SBF2: variants seen among roughly 807,000 people sequenced by gnomAD.
The protein encoded by SBF2 is SET binding factor 2.
Under a neutral mutation model 225.2 loss-of-function variants are expected in SBF2, and 112 were observed. The observed-to-expected ratio is 0.50, with a 90% CI of 0.43 to 0.58. The LOEUF is 0.58. Among genes scored for constraint, SBF2 ranks in the 20% least tolerant of loss-of-function variants. SBF2 has a pLI of 0.00. For synonymous variants in SBF2, 763 were observed against 773.3 expected, an observed-to-expected ratio of 0.99 and a Z score of 0.22; for missense variants, 1,996 against 2,206.2, an observed-to-expected ratio of 0.90 and a Z score of 1.91.
rs563977029 is a variant in SBF2, at chr11:10,091,647, TAG to T, written c.142-48668_142-48667del. Among the ~76,000 whole-genome samples the T allele has an allele frequency of 1.1e-4, 17 of 152,270 alleles. No homozygotes were observed. In the South Asian group the frequency reaches 2.7e-3, roughly 24 times the overall value. ...TAATTTTGGGGGTAGGGAGGCTGCA[TAG>T]AGGAGGAACTGTATCTCATCATTTA... On this transcript the variant is annotated intron_variant, in intron 2 of 39. Coordinates refer to ENST00000256190, the MANE Select transcript of SBF2 (RefSeq NM_030962.4).
intron 2 of SBF2, among the ~76,000 whole-genome samples, chr11:10,050,802 AG>A (rs1195106422): frequency 6.6e-6 from 1 of 152,180 alleles, no homozygotes; most frequent in Non-Finnish European, 1.5e-5. Context: ...TGCATATCCC[AG>A]GTGGGATGGT....
chr11:9,853,832 G>A, intron 19 of SBF2, 120 bp from the exon 20 acceptor site: 1 of 932,094 alleles, frequency 1.1e-6, no homozygotes, highest in Non-Finnish European at 1.8e-6. Flanking sequence ...TCAAGTAGAA[G>A]GCTCACTTAA....
intron 29 of SBF2, 115 bp from the exon 30 acceptor site, chr11:9,812,823 G>A (rs1854265164): frequency 5.9e-6 from 6 of 1,009,534 alleles, no homozygotes; most frequent in Non-Finnish European, 9.0e-6. Context: ...AGCTGCAGAG[G>A]CTGCCAATGG....
intron 24 of SBF2, among the ~76,000 whole-genome samples, chr11:9,844,851 T>C (rs1856425087): frequency 1.3e-5 from 2 of 152,168 alleles, no homozygotes; most frequent in South Asian, 4.1e-4. Flanking sequence ...GGCACATGTA[T>C]ACCTATGTAA....
chr11:10,256,433 C>T (rs752600606), intron 1 of SBF2, among the ~76,000 whole-genome samples: 1 of 152,160 alleles, frequency 6.6e-6, no homozygotes, highest in Non-Finnish European at 1.5e-5. Flanking sequence ...AGTTCCTGGG[C>T]CAGGCCAAGC....
chr11:10,068,720 C>T (rs371156832), intron 2 of SBF2, among the ~76,000 whole-genome samples: 4 of 151,884 alleles, frequency 2.6e-5, no homozygotes, highest in Admixed American at 2.0e-4. Context: ...ATATTATTAC[C>T]GACTCAGCCC....
At chr11:9,862,632 T>C (rs1439964717) in intron 17 of SBF2, among the ~76,000 whole-genome samples, 2 of 150,768 alleles carry the variant, frequency 1.3e-5, no homozygotes, top group Non-Finnish European at 3.0e-5. Flanking sequence ...GACTTTAGGG[T>C]TTCAAATTCA....
chr11:9,957,061 C>T (rs970269823), intron 16 of SBF2: 1 of 152,184 alleles, frequency 6.6e-6, no homozygotes, highest in Non-Finnish European at 1.5e-5. Flanking sequence ...GCTTTAGTGA[C>T]ATGTTATTCC....
chr11:10,036,466 G>A (rs7928959), intron 3 of SBF2, among the ~76,000 whole-genome samples: 30,637 of 151,876 alleles, frequency 0.2, 3,968 homozygotes, highest in Non-Finnish European at 0.3. Context: ...AGTATTCTGC[G>A]GGACATAATT....
At chr11:9,785,927 C>A (rs1852344211) in intron 36 of SBF2, among the ~76,000 whole-genome samples, 1 of 151,994 alleles carries the variant, frequency 6.6e-6, no homozygotes, top group African/African-American at 2.4e-5. Context: ...AGTACAGTGG[C>A]ATGATCTCGG....
chr11:9,877,666 G>A (rs748360788), intron 17 of SBF2, among the ~76,000 whole-genome samples: 7 of 152,120 alleles, frequency 4.6e-5, no homozygotes, highest in Non-Finnish European at 8.8e-5. Flanking sequence ...CTGCTCTTGC[G>A]ATAGTTTGCT....
intron 17 of SBF2, among the ~76,000 whole-genome samples, chr11:9,861,678 A>C (rs1373972311): frequency 7.9e-5 from 12 of 151,886 alleles, no homozygotes; most frequent in Non-Finnish European, 8.8e-5. Flanking sequence ...AAAAAAAAAA[A>C]AAAAATGTTT....
chr11:10,273,008 T>TGC (rs1320501964), intron 1 of SBF2, among the ~76,000 whole-genome samples: 11 of 151,796 alleles, frequency 7.2e-5, no homozygotes, highest in African/African-American at 2.2e-4. Flanking sequence ...AGACAGAGGT[T>TGC]GCAGTGAGCC....
intron 1 of SBF2, among the ~76,000 whole-genome samples, chr11:10,213,186 C>T (rs1000007040): frequency 3.3e-5 from 5 of 152,172 alleles, no homozygotes; most frequent in African/African-American, 1.2e-4. Flanking sequence ...TTTAAGGATG[C>T]CAGCATTTCT....
Position 9,846,965 on chromosome 11 carries a change from T to A in SBF2, c.2925A>T (p.Ala975=). 2 of 1,613,822 alleles carry A rather than the reference T, an allele frequency of 1.2e-6. No individual in the cohort carries two copies. Among genetic ancestry groups the A allele is most frequent in the Non-Finnish European group, 1.7e-6 (2 of 1,179,698 alleles). Residue 975 remains alanine, a synonymous_variant, in exon 23 of 40, where the codon GCA becomes GCT. Coordinates refer to ENST00000256190, the MANE Select transcript of SBF2 (RefSeq NM_030962.4). ...CTTCCTTTTTTAATACCTGAAAAGA[T>A]GCTGATGTGATCTGCAGTCCTTCTT... ...NMQEGLQITS[A]SFQLIKVAFD...
chr11:9,998,581 GGCTAAGATTCTGCCAA>G lies in SBF2; in HGVS notation c.862-218_862-203del, dbSNP rs1947810746. Among the ~76,000 whole-genome samples, 3 of 152,280 alleles carry G rather than the reference GGCTAAGATTCTGCCAA, an allele frequency of 2.0e-5. No homozygotes were observed. The South Asian group carries it at 6.2e-4, about 32-fold the overall frequency. On this transcript the variant is annotated intron_variant, in intron 8 of 39. Coordinates refer to ENST00000256190, the MANE Select transcript of SBF2 (RefSeq NM_030962.4). ...TCCTTTGAAATTAAGTGTGGCATGT[GGCTAAGATTCTGCCAA>G]TAAAACATGAGAAGTGACATGTGTT...
At chr11:10,216,632 G>A (rs1198566745) in intron 1 of SBF2, among the ~76,000 whole-genome samples, 2 of 152,246 alleles carry the variant, frequency 1.3e-5, no homozygotes, top group Non-Finnish European at 2.9e-5. Flanking sequence ...CACTGTGGGA[G>A]GCCAAGGCGG....
intron 1 of SBF2, among the ~76,000 whole-genome samples, chr11:10,243,443 T>C (rs1959431457): frequency 6.7e-6 from 1 of 148,508 alleles, no homozygotes; most frequent in African/African-American, 2.5e-5. Flanking sequence ...AAACCTAAAG[T>C]TAAAAAAATG....
In SBF2 at chr11:9,808,886, T is replaced by C. The variant is rs1267079766; in HGVS notation, c.4257+15A>G. 4.5e-6 allele frequency: 7 copies of C among 1,551,900 alleles called. No individual in the cohort carries two copies. The highest frequency in any genetic ancestry group is 1.7e-5 in the Admixed American group (1 of 59,796). ...TATAAATATAAAATATCAAAAAATA[T>C]GTCTAATAGTTTACTTGTGCAGTGA... is the stretch of plus-strand genomic sequence containing the variant. On this transcript the variant is annotated intron_variant, in intron 31 of 39. Coordinates refer to ENST00000256190, the MANE Select transcript of SBF2 (RefSeq NM_030962.4).
Sources: gnomAD v4.1 joint callset for allele counts (sites outside exome capture counted in the v4.1 genomes callset) on GRCh38, gnomAD v4.1.1 for gene constraint, MANE v1.5 for transcripts, NCBI Gene and HGNC (gene_info 2026-07-23, HGNC 2026-07-21) for gene names.